Variants in SRGAP1 observed in about 807,000 individuals in gnomAD.
The protein encoded by SRGAP1 is SLIT-ROBO Rho GTPase activating protein 1, also known as SLIT-ROBO Rho GTPase-activating protein 1.
A neutral mutation model predicts 121.9 loss-of-function variants in SRGAP1; 43 were observed. The ratio of observed to expected loss-of-function variants is 0.35; its 90% CI spans 0.28 to 0.46. The LOEUF (loss-of-function observed/expected upper bound fraction) is 0.46. SRGAP1 is among the 20% of genes least tolerant of loss of function. The probability of loss-of-function intolerance (pLI) is 1.00; values close to 1 mark genes in which losing one functional copy is unlikely to be tolerated. For synonymous variants in SRGAP1, 447 were observed against 485.4 expected, an observed-to-expected ratio of 0.92 and a Z score of 1.04; for missense variants, 1,102 against 1,350.9, an observed-to-expected ratio of 0.82 and a Z score of 2.89.
rs2037190881 is a variant in SRGAP1, at chr12:64,159,144, CCCCA to C, written c.*16473_*16476del. Reference sequence around the variant, plus strand: ...GACCAGCCTGGGCAACATAGCAAGACCCCATCCCTACAAAACAGTTTTTTAAAAA... The same window carrying C: ...GACCAGCCTGGGCAACATAGCAAGACTCCCTACAAAACAGTTTTTTAAAAA... On this transcript the variant is annotated 3_prime_UTR_variant, in exon 22 of 22. Coordinates refer to ENST00000355086, the MANE Select transcript of SRGAP1 (RefSeq NM_020762.4). 4.6e-5 allele frequency: 7 copies of C among 152,310 alleles called. No individual in the cohort carries two copies. The highest frequency in any genetic ancestry group is 1.7e-4 in the African/African-American group (7 of 41,310). The allele number at this position is 152,310 out of a possible 1,614,324, so 9.4% of individuals were successfully genotyped here. A position where few individuals can be genotyped will look rare whatever the true frequency, so the allele number is the denominator to read the frequency against.
intron 3 of SRGAP1, among the ~76,000 whole-genome samples, chr12:64,003,733 C>G (rs1003688735): frequency 3.3e-5 from 5 of 152,062 alleles, no homozygotes; most frequent in Non-Finnish European, 7.4e-5. Context: ...ACATTTGTGT[C>G]ATCAGAGGTC....
In SRGAP1 at chr12:64,154,813, A is replaced by T. The variant is rs2037150814; in HGVS notation, c.*12141A>T. On this transcript the variant is annotated 3_prime_UTR_variant, in exon 22 of 22. Coordinates refer to ENST00000355086, the MANE Select transcript of SRGAP1 (RefSeq NM_020762.4). ...CGGAAAGAGAAAGAGAAAGGAAGGT[A>T]CAGAGCACATAACCAAGCCCTGGGA... is the stretch of plus-strand genomic sequence containing the variant. 1 of 152,188 alleles carries T rather than the reference A, an allele frequency of 6.6e-6. No individual in the cohort carries two copies. Among genetic ancestry groups the T allele is most frequent in the Non-Finnish European group, 1.5e-5 (1 of 68,106 alleles). 9.4% of individuals were successfully genotyped at this position (152,188 alleles called of 1,614,324 possible). A position where few individuals can be genotyped will look rare whatever the true frequency, so the allele number is the denominator to read the frequency against.
At chr12:63,889,064 G>T (rs1412964592) in intron 1 of SRGAP1, among the ~76,000 whole-genome samples, 1 of 152,140 alleles carries the variant, frequency 6.6e-6, no homozygotes, top group Admixed American at 6.5e-5. Flanking sequence ...AGCCCTTGAG[G>T]CCACACCTCA....
intron 21 of SRGAP1, among the ~76,000 whole-genome samples, chr12:64,136,685 A>G (rs1407194990): frequency 6.6e-6 from 1 of 152,250 alleles, no homozygotes; most frequent in African/African-American, 2.4e-5. Flanking sequence ...ACGCAATTTT[A>G]AGTGTACAGC....
At chr12:63,981,613 T>C (rs1306327761) in intron 1 of SRGAP1, among the ~76,000 whole-genome samples, 1 of 152,212 alleles carries the variant, frequency 6.6e-6, no homozygotes, top group Non-Finnish European at 1.5e-5. Flanking sequence ...ACACTTACTT[T>C]GATTGACTAA....
At chr12:63,907,203 A>G (rs1467506332) in intron 1 of SRGAP1, among the ~76,000 whole-genome samples, 1 of 152,146 alleles carries the variant, frequency 6.6e-6, no homozygotes, top group Admixed American at 6.6e-5. Flanking sequence ...CCATTTGTGT[A>G]TCTACCTTGA....
In SRGAP1 at chr12:64,095,712, TCAATA is replaced by T. The variant is rs1268989826; in HGVS notation, c.1678+510_1678+514del. On this transcript the variant is annotated intron_variant, in intron 14 of 21. Coordinates refer to ENST00000355086, the MANE Select transcript of SRGAP1 (RefSeq NM_020762.4). Reference sequence around the variant, plus strand: ...CCATATACATTATCTTTTTTCAATGTCAATACTTTTTTCCCTTAATTTTTTATTTT... The same window carrying T: ...CCATATACATTATCTTTTTTCAATGTCTTTTTTCCCTTAATTTTTTATTTT... Among the ~76,000 whole-genome samples the T allele has an allele frequency of 2.0e-5, 3 of 152,304 alleles. No individual in the cohort carries two copies. The East Asian group carries it at 5.8e-4, about 29-fold the overall frequency.
chr12:63,895,066 A>G (rs556093109), intron 1 of SRGAP1, among the ~76,000 whole-genome samples: 1 of 152,178 alleles, frequency 6.6e-6, no homozygotes, highest in Non-Finnish European at 1.5e-5. Context: ...GTCTTCCACA[A>G]TGGTCGAACT....
At chr12:63,998,793 G>A (rs1453426957) in intron 3 of SRGAP1, among the ~76,000 whole-genome samples, 1 of 152,080 alleles carries the variant, frequency 6.6e-6, no homozygotes. Flanking sequence ...ATACTTGCAG[G>A]AATAAGTATG....
chr12:63,857,068 T>A (rs114570325), intron 1 of SRGAP1, among the ~76,000 whole-genome samples: 1 of 152,082 alleles, frequency 6.6e-6, no homozygotes, highest in Non-Finnish European at 1.5e-5. Flanking sequence ...CTTTCTATTA[T>A]GCAGAAATGC....
At chr12:63,894,100 A>G (rs546413386) in intron 1 of SRGAP1, among the ~76,000 whole-genome samples, 9 of 152,170 alleles carry the variant, frequency 5.9e-5, no homozygotes, top group African/African-American at 1.9e-4. Context: ...CAGCCTCCCA[A>G]AGTGCTGGGA....
chr12:63,984,235 G>A (rs1429235657), intron 2 of SRGAP1, 93 bp downstream of exon 2: 2 of 642,576 alleles, frequency 3.1e-6, no homozygotes, highest in Non-Finnish European at 4.8e-6. Flanking sequence ...ATTTTTGTCT[G>A]AGTAGTGGTT....
intron 1 of SRGAP1, among the ~76,000 whole-genome samples, chr12:63,853,941 A>G (rs1398664433): frequency 2.0e-5 from 3 of 152,190 alleles, no homozygotes; most frequent in Non-Finnish European, 2.9e-5. Context: ...TTTACAACTC[A>G]TTTATATACT....
intron 1 of SRGAP1, among the ~76,000 whole-genome samples, chr12:63,867,591 T>C (rs189335556): frequency 1.3e-5 from 2 of 152,288 alleles, no homozygotes; most frequent in Admixed American, 1.3e-4. Context: ...ATCAATCTTA[T>C]AAGATGAATC....
At chr12:63,868,073 T>TTTG (rs1899715586) in intron 1 of SRGAP1, among the ~76,000 whole-genome samples, 2 of 100,884 alleles carry the variant, frequency 2.0e-5, no homozygotes, top group African/African-American at 4.4e-5. Flanking sequence ...TTTTTTTTTT[T>TTTG]TTTTTGTTTT....
rs111312174 is a variant in SRGAP1, at chr12:63,963,774, A to G, written c.68-20173A>G. On this transcript the variant is annotated intron_variant, in intron 1 of 21. Coordinates refer to ENST00000355086, the MANE Select transcript of SRGAP1 (RefSeq NM_020762.4). ...CAACTTTTTAAGCTCCCTCATGAGTAACATTTTAGAAGTAAAAAAAAATGT... is the reference window on the plus strand; with the variant it reads ...CAACTTTTTAAGCTCCCTCATGAGTGACATTTTAGAAGTAAAAAAAAATGT... Among the ~76,000 whole-genome samples, 877 of 131,340 alleles carry G rather than the reference A, an allele frequency of 6.7e-3. 10 individuals carry two copies. Among genetic ancestry groups the G allele is most frequent in the African/African-American group, 0.025 (837 of 33,914 alleles). The allele number at this position is 131,340 out of a possible 152,430, so 86.2% of individuals were successfully genotyped here.
Position 64,142,607 on chromosome 12 carries a change from A to C in SRGAP1, c.3193A>C (p.Thr1065Pro), listed in dbSNP as rs1592360534. The C allele has an allele frequency of 6.2e-7, 1 of 1,614,148 alleles. No homozygotes were observed. Among genetic ancestry groups the C allele is most frequent in the Non-Finnish European group, 8.5e-7 (1 of 1,180,026 alleles). The change falls in exon 22 of 22, where the codon ACA (threonine) becomes CCA (proline). Residue 1065 changes from threonine (T) to proline (P), a missense_variant. By Grantham distance (38) the Thr-to-Pro change is conservative. Coordinates refer to ENST00000355086, the MANE Select transcript of SRGAP1 (RefSeq NM_020762.4). ...GCCAAAACCTGCTGTTCTTCCAAAA[A>C]CAAATCCTACCATAGGACCTGCCCC... Reference protein sequence around the residue: ...LRPKPAVLPKTNPTIGPAPPP... With the variant: ...LRPKPAVLPKPNPTIGPAPPP...
rs1038039024 is a variant in SRGAP1 at position 64,001,251 on chromosome 12, A to T, written c.426+11179A>T. ...GAAAGTTACAACTCCAAAATTCTAG[A>T]TACAACCAAGTTGTTATTCATTTTA... On this transcript the variant is annotated intron_variant, in intron 3 of 21. Transcript: ENST00000355086. Among the ~76,000 whole-genome samples the T allele has an allele frequency of 3.3e-5, 5 of 152,348 alleles. No homozygotes were observed. The East Asian group carries it at 9.6e-4, about 29-fold the overall frequency.
intron 1 of SRGAP1, among the ~76,000 whole-genome samples, chr12:63,927,319 G>A (rs976610319): frequency 1.3e-5 from 2 of 152,122 alleles, no homozygotes; most frequent in African/African-American, 4.8e-5. Flanking sequence ...TACCCCTGGT[G>A]CCTGCTGCAG....
Sources: allele counts gnomAD v4.1 joint callset (sites outside exome capture counted in the v4.1 genomes callset), GRCh38; gene constraint gnomAD v4.1.1; transcripts MANE v1.5; gene names NCBI Gene and HGNC (gene_info 2026-07-23, HGNC 2026-07-21).